LYPLAL1: variants seen among roughly 807,000 people sequenced by gnomAD.
LYPLAL1 encodes lysophospholipase like 1.
LYPLAL1 carries 23 observed loss-of-function variants against 19.7 expected under a neutral mutation model. The ratio of observed to expected loss-of-function variants is 1.17; its 90% CI spans 0.84 to 1.65. The LOEUF (loss-of-function observed/expected upper bound fraction) is 1.65, where lower values mean the gene tolerates loss of function less well. LYPLAL1 is among the 40% of genes most tolerant of loss of function. The pLI, the probability that LYPLAL1 is intolerant of heterozygous loss-of-function variation, is 0.00. For missense variants in LYPLAL1, 355 were observed against 279.4 expected (o/e 1.27, Z -1.93); for synonymous variants, 119 against 96.3 (o/e 1.24, Z -1.38).
At chr1:219,326,212 C>G in the LYPLAL1 span, among the ~76,000 whole-genome samples, 1 of 147,160 alleles carries the variant, frequency 6.8e-6, no homozygotes, top group Non-Finnish European at 1.5e-5. Context: ...CCACGCCCAG[C>G]CTTAAAGGCT....
intron 4 of LYPLAL1, among the ~76,000 whole-genome samples, chr1:219,210,996 AAATCAATTACATAGCACAT>A (rs1658991588): frequency 6.6e-6 from 1 of 152,152 alleles, no homozygotes; most frequent in South Asian, 2.1e-4. Context: ...CATAAAACAA[AAATCAATTACATAGCACAT>A]ACTTATTATG....
chr1:219,215,157 A>T (rs1387292238), downstream of LYPLAL1, among the ~76,000 whole-genome samples: 14 of 152,042 alleles, frequency 9.2e-5, no homozygotes. Flanking sequence ...TGGAGTGCAA[A>T]TCTGGTGATA....
the LYPLAL1 span, among the ~76,000 whole-genome samples, chr1:219,390,731 T>A: frequency 6.6e-6 from 1 of 152,276 alleles, no homozygotes; most frequent in South Asian, 2.1e-4. Flanking sequence ...TTTCTTGAGT[T>A]TTTCATATTT....
chr1:219,241,043 AATATCTATAT>A, the LYPLAL1 span, among the ~76,000 whole-genome samples: 2 of 146,822 alleles, frequency 1.4e-5, no homozygotes, highest in African/African-American at 2.5e-5. Flanking sequence ...CCTATCTCAA[AATATCTATAT>A]ATATCTATAT....
the LYPLAL1 span, among the ~76,000 whole-genome samples, chr1:219,309,816 A>C: frequency 6.6e-6 from 1 of 152,154 alleles, no homozygotes; most frequent in African/African-American, 2.4e-5. Flanking sequence ...GGACTAATAC[A>C]ATATTCATCT....
chr1:219,348,343 G>A, the LYPLAL1 span, among the ~76,000 whole-genome samples: 1 of 152,194 alleles, frequency 6.6e-6, no homozygotes, highest in African/African-American at 2.4e-5. Context: ...CAACGTGGGA[G>A]CAAAGTAGCA....
chr1:219,207,616 TA>T (rs2125109177), intron 3 of LYPLAL1, among the ~76,000 whole-genome samples: 1 of 152,200 alleles, frequency 6.6e-6, no homozygotes, highest in African/African-American at 2.4e-5. Context: ...GGCACTGTTG[TA>T]AGCATAGAGG....
intron 2 of LYPLAL1, among the ~76,000 whole-genome samples, chr1:219,185,105 A>G (rs576433847): frequency 8.6e-5 from 13 of 151,922 alleles, no homozygotes; most frequent in African/African-American, 3.1e-4. Flanking sequence ...TTCAGATTTT[A>G]TATTTATTTT....
the LYPLAL1 span, among the ~76,000 whole-genome samples, chr1:219,295,813 C>T: frequency 6.6e-6 from 1 of 152,122 alleles, no homozygotes; most frequent in Non-Finnish European, 1.5e-5. Flanking sequence ...GAATCAAATC[C>T]AAAATCCTCA....
At chr1:219,264,204 C>A in the LYPLAL1 span, among the ~76,000 whole-genome samples, 2 of 152,182 alleles carry the variant, frequency 1.3e-5, no homozygotes, top group African/African-American at 4.8e-5. Flanking sequence ...CCACTCTGTT[C>A]TAACAGCTGA....
chr1:219,213,190 A>G (rs1312108638), downstream of LYPLAL1, among the ~76,000 whole-genome samples: 1 of 152,030 alleles, frequency 6.6e-6, no homozygotes, highest in Non-Finnish European at 1.5e-5. Flanking sequence ...ACTATCATCC[A>G]TGGAAATATT....
chr1:219,251,791 A>G, the LYPLAL1 span, among the ~76,000 whole-genome samples: 5 of 152,024 alleles, frequency 3.3e-5, no homozygotes, highest in Non-Finnish European at 5.9e-5. Flanking sequence ...GAATATTAAA[A>G]TAGCTTTTTC....
the LYPLAL1 span, among the ~76,000 whole-genome samples, chr1:219,241,040 C>G: frequency 6.8e-6 from 1 of 147,760 alleles, no homozygotes. Context: ...CAGCCTATCT[C>G]AAAATATCTA....
Position 219,212,029 on chromosome 1 carries a change from A to G in LYPLAL1, c.*301A>G, listed in dbSNP as rs1254576165. 5.1e-6 allele frequency: 1 copy of G among 196,688 alleles called. No individual in the cohort carries two copies. Among genetic ancestry groups the G allele is most frequent in the East Asian group, 1.2e-4 (1 of 8,338 alleles). The allele number at this position is 196,688 out of a possible 1,614,324, so 12.2% of individuals were successfully genotyped here. A position where few individuals can be genotyped will look rare whatever the true frequency, so the allele number is the denominator to read the frequency against. ...ATATAAATAAGGACAATGAAAAAAC[A>G]TGAAAGGACTTAGCATAATGTTATT... On this transcript the variant is annotated 3_prime_UTR_variant, in exon 5 of 5. Transcript: ENST00000366928.
the LYPLAL1 span, among the ~76,000 whole-genome samples, chr1:219,250,925 G>T: frequency 6.6e-6 from 1 of 152,054 alleles, no homozygotes; most frequent in Admixed American, 6.6e-5. Context: ...CCCACCAACA[G>T]TGTATAAGTG....
chr1:219,204,255 C>T (rs1226281674), intron 3 of LYPLAL1, among the ~76,000 whole-genome samples: 5 of 152,086 alleles, frequency 3.3e-5, no homozygotes, highest in Admixed American at 2.6e-4. Flanking sequence ...AATTACTTTT[C>T]GAAAGTTGGC....
chr1:219,266,952 T>A, the LYPLAL1 span, among the ~76,000 whole-genome samples: 1 of 152,182 alleles, frequency 6.6e-6, no homozygotes, highest in Non-Finnish European at 1.5e-5. Flanking sequence ...AATAGTTCTA[T>A]AAAATTTGTT....
the LYPLAL1 span, among the ~76,000 whole-genome samples, chr1:219,367,771 C>T: frequency 6.6e-6 from 1 of 152,206 alleles, no homozygotes; most frequent in African/African-American, 2.4e-5. Flanking sequence ...TTCTAGAGTT[C>T]CTAACCTGAG....
chr1:219,278,633 A>T, the LYPLAL1 span, among the ~76,000 whole-genome samples: 1 of 152,080 alleles, frequency 6.6e-6, no homozygotes, highest in African/African-American at 2.4e-5. Context: ...ATTCTTTCTT[A>T]TCTTTCTCAA....
Sources: allele counts gnomAD v4.1 joint callset (sites outside exome capture counted in the v4.1 genomes callset), GRCh38; gene constraint gnomAD v4.1.1; transcripts MANE v1.5; gene names NCBI Gene and HGNC (gene_info 2026-07-23, HGNC 2026-07-21).